SHROOM3: variants seen among roughly 807,000 people sequenced by gnomAD.
SHROOM3 encodes the protein shroom family member 3.
SHROOM3 carries 47 observed loss-of-function variants against 138.6 expected under a neutral mutation model. The ratio of observed to expected loss-of-function variants is 0.34; its 90% CI spans 0.27 to 0.43. The LOEUF (loss-of-function observed/expected upper bound fraction) is 0.43, where lower values mean the gene tolerates loss of function less well. Among genes scored for constraint, SHROOM3 ranks in the 20% least tolerant of loss-of-function variants. SHROOM3 has a pLI of 1.00. For synonymous variants in SHROOM3, 1,062 were observed against 1,063.3 expected (o/e 1.00, Z 0.02); for missense variants, 2,491 against 2,596.5 (o/e 0.96, Z 0.88).
Position 76,706,240 on chromosome 4 carries a change from G to A in SHROOM3, c.324-3916G>A, listed in dbSNP as rs1051057681. Among the ~76,000 whole-genome samples the A allele has an allele frequency of 2.0e-5, 3 of 151,840 alleles. No individual in the cohort carries two copies. In the South Asian group the frequency reaches 6.3e-4, roughly 32 times the overall value. ...AGTGATTCTCCTACCTTAGCCTCCCGAGTGGCTGGGATTACAGGCATGTAC... is the reference window on the plus strand; with the variant it reads ...AGTGATTCTCCTACCTTAGCCTCCCAAGTGGCTGGGATTACAGGCATGTAC... On this transcript the variant is annotated intron_variant, in intron 2 of 10. Transcript: ENST00000296043.
At chr4:76,520,841 T>C (rs866487577) in intron 1 of SHROOM3, among the ~76,000 whole-genome samples, 5 of 152,310 alleles carry the variant, frequency 3.3e-5, no homozygotes, top group Middle Eastern at 6.8e-3. Flanking sequence ...CCTATGCTAT[T>C]TTCAGTGTGT....
chr4:76,451,815 T>C (rs1314309483), intron 1 of SHROOM3, among the ~76,000 whole-genome samples: 4 of 152,152 alleles, frequency 2.6e-5, no homozygotes, highest in African/African-American at 9.7e-5. Context: ...TAATTTAGTA[T>C]AGGATGAAAG....
At chr4:76,599,361 G>A (rs1436003234) in intron 2 of SHROOM3, among the ~76,000 whole-genome samples, 2 of 152,102 alleles carry the variant, frequency 1.3e-5, no homozygotes, top group Admixed American at 6.6e-5. Flanking sequence ...GATCTTTTGC[G>A]TTGTGATCCC....
chr4:76,457,270 A>T (rs1731046417), intron 1 of SHROOM3, among the ~76,000 whole-genome samples: 1 of 152,114 alleles, frequency 6.6e-6, no homozygotes, highest in South Asian at 2.1e-4. Context: ...TGCTGTTCTC[A>T]TGATAGCGAG....
At chr4:76,482,432 G>C (rs1274007420) in intron 1 of SHROOM3, among the ~76,000 whole-genome samples, 1 of 152,022 alleles carries the variant, frequency 6.6e-6, no homozygotes, top group Non-Finnish European at 1.5e-5. Context: ...AAAATACCTA[G>C]GAATCCAACT....
chr4:76,777,231 A>C (rs1049262217), intron 10 of SHROOM3, among the ~76,000 whole-genome samples: 1 of 152,238 alleles, frequency 6.6e-6, no homozygotes, highest in African/African-American at 2.4e-5. Context: ...ATCCATGAGC[A>C]CAGGATATGT....
chr4:76,756,406 T>TCC, intron 7 of SHROOM3, 43 bp from the exon 8 acceptor site: 1 of 1,469,960 alleles, frequency 6.8e-7, no homozygotes, highest in Non-Finnish European at 9.2e-7. Context: ...ACTCTCTCTT[T>TCC]CTCTCTCTCT....
chr4:76,675,294 T>G (rs1000524320), intron 2 of SHROOM3, among the ~76,000 whole-genome samples: 3 of 152,164 alleles, frequency 2.0e-5, no homozygotes, highest in African/African-American at 7.2e-5. Context: ...AAAAGCAGAA[T>G]TCTTAACCTG....
intron 2 of SHROOM3, among the ~76,000 whole-genome samples, chr4:76,659,155 C>A (rs1736130361): frequency 6.6e-6 from 1 of 152,092 alleles, no homozygotes. Flanking sequence ...CTCATTGGAA[C>A]CCTCATTGTG....
chr4:76,759,064 T>C (rs758297713), intron 8 of SHROOM3, among the ~76,000 whole-genome samples: 2 of 152,158 alleles, frequency 1.3e-5, no homozygotes, highest in Non-Finnish European at 2.9e-5. Context: ...AGGAAAAATT[T>C]TGTGTGTTCA....
intron 2 of SHROOM3, among the ~76,000 whole-genome samples, chr4:76,679,294 T>G (rs1226515923): frequency 1.3e-5 from 2 of 152,202 alleles, no homozygotes. Flanking sequence ...GGCACGCTAG[T>G]GTCTTCCATC....
chr4:76,635,939 A>G (rs1390034654), intron 2 of SHROOM3, among the ~76,000 whole-genome samples: 1 of 152,248 alleles, frequency 6.6e-6, no homozygotes, highest in Non-Finnish European at 1.5e-5. Context: ...ATCTGTGGGC[A>G]TTAGCCCTGG....
chr4:76,757,653 T>G (rs1171428525), intron 8 of SHROOM3, among the ~76,000 whole-genome samples: 1 of 152,184 alleles, frequency 6.6e-6, no homozygotes, highest in African/African-American at 2.4e-5. Flanking sequence ...AAGGTCTGAG[T>G]AGGAGCGCAC....
intron 1 of SHROOM3, among the ~76,000 whole-genome samples, chr4:76,523,007 A>G (rs1456000802): frequency 1.3e-5 from 2 of 152,180 alleles, no homozygotes; most frequent in Non-Finnish European, 2.9e-5. Flanking sequence ...CAAACCAGGT[A>G]GCTAAAAACA....
intron 1 of SHROOM3, among the ~76,000 whole-genome samples, chr4:76,514,843 A>C (rs1398593481): frequency 6.6e-6 from 1 of 152,212 alleles, no homozygotes; most frequent in African/African-American, 2.4e-5. Context: ...AGCTGGGTGC[A>C]GTGGCTGACA....
chr4:76,717,876 C>T (rs1028095476), intron 3 of SHROOM3, among the ~76,000 whole-genome samples: 1 of 152,166 alleles, frequency 6.6e-6, no homozygotes, highest in Non-Finnish European at 1.5e-5. Flanking sequence ...AACTCCATCA[C>T]AATTGAAGAT....
chr4:76,441,542 T>G (rs112865977), intron 1 of SHROOM3, among the ~76,000 whole-genome samples: 209 of 152,254 alleles, frequency 1.4e-3, no homozygotes, highest in African/African-American at 4.7e-3. Flanking sequence ...CCTTTCTGAC[T>G]TTTTCCCTTT....
intron 2 of SHROOM3, among the ~76,000 whole-genome samples, chr4:76,558,513 C>T (rs937475261): frequency 6.6e-6 from 1 of 152,136 alleles, no homozygotes; most frequent in South Asian, 2.1e-4. Context: ...GAGGCCCCCC[C>T]TTTCATTCTC....
chr4:76,723,844 A>G (rs1005539831), intron 3 of SHROOM3, among the ~76,000 whole-genome samples: 3 of 152,370 alleles, frequency 2.0e-5, no homozygotes, highest in East Asian at 3.9e-4. Context: ...GGCACTCAGT[A>G]GGCACTCAAA....
Sources: gnomAD v4.1 joint callset for allele counts (sites outside exome capture counted in the v4.1 genomes callset) on GRCh38, gnomAD v4.1.1 for gene constraint, MANE v1.5 for transcripts, NCBI Gene and HGNC (gene_info 2026-07-23, HGNC 2026-07-21) for gene names.